LYPD6B: variants seen among roughly 807,000 people sequenced by gnomAD.
LYPD6B encodes the protein ly6/PLAUR domain-containing protein 6B.
A neutral mutation model predicts 22.8 loss-of-function variants in LYPD6B; 17 were observed. The ratio of observed to expected loss-of-function variants is 0.75; its 90% CI spans 0.51 to 1.12. The LOEUF (loss-of-function observed/expected upper bound fraction) is 1.12. Among genes scored for constraint, LYPD6B ranks in the 50% most tolerant of loss-of-function variants. The probability of loss-of-function intolerance (pLI) is 0.00; values close to 1 mark genes in which losing one functional copy is unlikely to be tolerated. For synonymous variants in LYPD6B, 106 were observed against 91.6 expected, an observed-to-expected ratio of 1.16 and a Z score of -0.90; for missense variants, 221 against 258.3, an observed-to-expected ratio of 0.86 and a Z score of 0.99.
Position 149,058,541 on chromosome 2 carries a change from A to G in LYPD6B, c.-67+19740A>G, listed in dbSNP as rs1162717937. ...ACAGAAACACTGCTCATTAGTGATTATGAGGCTGTCATTGGGACAGGAATT... is the reference window on the plus strand; with the variant it reads ...ACAGAAACACTGCTCATTAGTGATTGTGAGGCTGTCATTGGGACAGGAATT... On this transcript the variant is annotated intron_variant, in intron 1 of 6. Transcript: ENST00000409642. Among the ~76,000 whole-genome samples the G allele has an allele frequency of 6.6e-5, 10 of 152,346 alleles. No homozygotes were observed. The East Asian group carries it at 1.9e-3, about 29-fold the overall frequency.
At chr2:149,146,722 A>G (rs1406381323) in intron 2 of LYPD6B, among the ~76,000 whole-genome samples, 2 of 151,736 alleles carry the variant, frequency 1.3e-5, no homozygotes, top group African/African-American at 4.8e-5. Flanking sequence ...CCAAATATTA[A>G]CAACCCCAAG....
At chr2:149,183,912 G>A (rs1286277835) in intron 3 of LYPD6B, among the ~76,000 whole-genome samples, 1 of 151,160 alleles carries the variant, frequency 6.6e-6, no homozygotes, top group African/African-American at 2.4e-5. Flanking sequence ...ACTTTATTTG[G>A]CCAGGCGCAG....
chr2:149,091,819 G>T (rs540521404), intron 1 of LYPD6B, among the ~76,000 whole-genome samples: 10 of 152,288 alleles, frequency 6.6e-5, no homozygotes, highest in African/African-American at 2.4e-4. Context: ...GGCCTTTGTA[G>T]AAGAGAAAGT....
intron 1 of LYPD6B, among the ~76,000 whole-genome samples, chr2:149,100,418 A>C (rs1179566654): frequency 6.2e-5 from 4 of 64,200 alleles, no homozygotes; most frequent in African/African-American, 1.6e-4. Flanking sequence ...GGCTTTGACA[A>C]AAAAAAAAAA....
At chr2:149,183,330 C>T (rs1329349962) in intron 3 of LYPD6B, among the ~76,000 whole-genome samples, 1 of 152,132 alleles carries the variant, frequency 6.6e-6, no homozygotes, top group Non-Finnish European at 1.5e-5. Flanking sequence ...CAGCAAGATA[C>T]CTGGTCATAC....
intron 1 of LYPD6B, among the ~76,000 whole-genome samples, chr2:149,062,217 C>T (rs910714482): frequency 1.3e-5 from 2 of 152,156 alleles, no homozygotes; most frequent in African/African-American, 4.8e-5. Context: ...GAACTCCCAA[C>T]CTCAGGTGAT....
intron 3 of LYPD6B, among the ~76,000 whole-genome samples, chr2:149,184,049 G>A (rs979420708): frequency 2.0e-5 from 3 of 151,954 alleles, no homozygotes; most frequent in Non-Finnish European, 2.9e-5. Context: ...AAAATTAGCC[G>A]GGCATGGTGG....
At chr2:149,080,841 CAAAAAAAAA>C (rs35803068) in intron 1 of LYPD6B, among the ~76,000 whole-genome samples, 1 of 46,228 alleles carries the variant, frequency 2.2e-5, no homozygotes, top group Non-Finnish European at 3.7e-5. Flanking sequence ...GACTCTATCT[CAAAAAAAAA>C]AAAAAAAAAA....
At chr2:149,146,932 A>G (rs1237552464) in intron 2 of LYPD6B, among the ~76,000 whole-genome samples, 4 of 152,196 alleles carry the variant, frequency 2.6e-5, no homozygotes, top group African/African-American at 7.2e-5. Context: ...AAGAAAGTCG[A>G]GGTGCACACA....
rs140319480 is a variant in LYPD6B at position 149,172,153 on chromosome 2, C to T, written c.77+11318C>T. ...AGCAAACATGTCCTTCTTCACATGG[C>T]GGCAGGAAGAAGAAGAATGAGCAAA... On this transcript the variant is annotated intron_variant, in intron 3 of 6. Transcript: ENST00000409642. Among the ~76,000 whole-genome samples the T allele has an allele frequency of 5.5e-3, 836 of 152,192 alleles. 8 individuals carry two copies. The highest frequency in any genetic ancestry group is 0.019 in the African/African-American group (775 of 41,508).
At chr2:149,127,696 C>G in intron 1 of LYPD6B, among the ~76,000 whole-genome samples, 1 of 151,992 alleles carries the variant, frequency 6.6e-6, no homozygotes, top group East Asian at 1.9e-4. Flanking sequence ...TTGTATTTCC[C>G]CAGGATCCTG....
Position 149,187,536 on chromosome 2 carries a change from G to A in LYPD6B, c.78-17717G>A, listed in dbSNP as rs765869826. 8.2e-6 allele frequency: 12 copies of A among 1,464,146 alleles called. No homozygotes were observed. In the South Asian group the frequency reaches 1.7e-4, roughly 21 times the overall value. 90.7% of individuals were successfully genotyped at this position (1,464,146 alleles called of 1,614,324 possible). ...TGGAAAGTAAGATTCCCTGCGAGCA[G>A]GATCTCAGGCAACGTCAATGAACAA... On this transcript the variant is annotated intron_variant, in intron 3 of 6. Transcript: ENST00000409642.
chr2:149,154,707 G>T (rs1203547105), intron 2 of LYPD6B, among the ~76,000 whole-genome samples: 1 of 152,002 alleles, frequency 6.6e-6, no homozygotes, highest in Non-Finnish European at 1.5e-5. Context: ...GGGGAGAGTG[G>T]CGGAGTGGTG....
intron 3 of LYPD6B, among the ~76,000 whole-genome samples, chr2:149,194,766 C>T (rs1028138284): frequency 6.6e-6 from 1 of 152,210 alleles, no homozygotes. Context: ...TTCTTTAGCT[C>T]AGCTTCCCAG....
chr2:149,158,067 C>G (rs1689819322), intron 2 of LYPD6B, among the ~76,000 whole-genome samples: 1 of 152,072 alleles, frequency 6.6e-6, no homozygotes, highest in South Asian at 2.1e-4. Flanking sequence ...GGAGATTTAC[C>G]AAACCCTTAG....
At chr2:149,194,653 G>A (rs1396991411) in intron 3 of LYPD6B, among the ~76,000 whole-genome samples, 1 of 152,128 alleles carries the variant, frequency 6.6e-6, no homozygotes, top group Non-Finnish European at 1.5e-5. Flanking sequence ...GGGAGTCAGG[G>A]GAATAAATAC....
At chr2:149,078,221 C>T (rs1051729340) in intron 1 of LYPD6B, among the ~76,000 whole-genome samples, 2 of 152,208 alleles carry the variant, frequency 1.3e-5, no homozygotes, top group African/African-American at 4.8e-5. Context: ...GCACCCTTGC[C>T]TCCCTTGAGA....
intron 3 of LYPD6B, among the ~76,000 whole-genome samples, chr2:149,167,168 G>A (rs374201805): frequency 1.6e-4 from 25 of 152,028 alleles, no homozygotes; most frequent in African/African-American, 5.3e-4. Flanking sequence ...CTCTGCAGTC[G>A]AGATTGGGCT....
chr2:149,121,167 T>C (rs1233573353), intron 1 of LYPD6B, among the ~76,000 whole-genome samples: 3 of 152,180 alleles, frequency 2.0e-5, no homozygotes, highest in Non-Finnish European at 4.4e-5. Flanking sequence ...TCCCATCCCA[T>C]TGGACATATA....
Sources: allele counts gnomAD v4.1 joint callset (sites outside exome capture counted in the v4.1 genomes callset), GRCh38; gene constraint gnomAD v4.1.1; transcripts MANE v1.5; gene names NCBI Gene and HGNC (gene_info 2026-07-23, HGNC 2026-07-21).